Variants in TENM2 observed in about 807,000 individuals in gnomAD.
TENM2 encodes the protein teneurin-2.
A neutral mutation model predicts 245.2 loss-of-function variants in TENM2; 52 were observed. The ratio of observed to expected loss-of-function variants is 0.21; its 90% CI spans 0.17 to 0.27. The LOEUF (loss-of-function observed/expected upper bound fraction) is 0.27. Among genes scored for constraint, TENM2 ranks in the 10% least tolerant of loss-of-function variants. The pLI, the probability that TENM2 is intolerant of heterozygous loss-of-function variation, is 1.00. For missense variants in TENM2, 3,046 were observed against 3,666.8 expected, an observed-to-expected ratio of 0.83 and a Z score of 4.37; for synonymous variants, 1,363 against 1,438.9, an observed-to-expected ratio of 0.95 and a Z score of 1.19.
chr5:167,778,040 A>G lies in TENM2; in HGVS notation c.503-97946A>G, dbSNP rs115020798. On this transcript the variant is annotated intron_variant, in intron 2 of 28. Transcript: ENST00000518659. Reference sequence around the variant, plus strand: ...GCTGCCACAGTGGACAGAGTTGAGTAGTTGCACCACATGGACTGCAAAGGG... The same window carrying G: ...GCTGCCACAGTGGACAGAGTTGAGTGGTTGCACCACATGGACTGCAAAGGG... Among the ~76,000 whole-genome samples the G allele has an allele frequency of 6.0e-3, 912 of 152,296 alleles. 11 individuals are homozygous for G. Among genetic ancestry groups the G allele is most frequent in the African/African-American group, 0.021 (875 of 41,558 alleles).
intron 4 of TENM2, among the ~76,000 whole-genome samples, chr5:167,971,751 C>A (rs1332944860): frequency 1.3e-5 from 2 of 152,012 alleles, no homozygotes; most frequent in African/African-American, 4.8e-5. Flanking sequence ...ACAAAAAAAA[C>A]CCTGAGCCCT....
chr5:167,707,803 C>G (rs962686780), intron 2 of TENM2, among the ~76,000 whole-genome samples: 1 of 152,156 alleles, frequency 6.6e-6, no homozygotes, highest in African/African-American at 2.4e-5. Context: ...GAAATCTGTA[C>G]TGTCTCTTCA....
intron 1 of TENM2, among the ~76,000 whole-genome samples, chr5:167,332,900 G>A (rs956858767): frequency 3.3e-5 from 5 of 152,158 alleles, no homozygotes; most frequent in African/African-American, 9.7e-5. Context: ...ACTGGCTATA[G>A]AGGTTATGGC....
chr5:167,422,022 C>A (rs904937563), intron 2 of TENM2, among the ~76,000 whole-genome samples: 9 of 152,160 alleles, frequency 5.9e-5, no homozygotes, highest in African/African-American at 2.2e-4. Flanking sequence ...GAACTCCTGA[C>A]CTTGTGATCC....
intron 4 of TENM2, among the ~76,000 whole-genome samples, chr5:167,959,201 T>TC (rs1262249872): frequency 3.3e-5 from 5 of 150,972 alleles, no homozygotes; most frequent in Non-Finnish European, 7.4e-5. Context: ...TTTTTTTTTT[T>TC]TTTCTTTTTT....
chr5:167,537,084 T>C (rs1360113716), intron 2 of TENM2, among the ~76,000 whole-genome samples: 1 of 151,928 alleles, frequency 6.6e-6, no homozygotes, highest in Non-Finnish European at 1.5e-5. Flanking sequence ...ACAAGCACAA[T>C]AAATGATTTC....
intron 2 of TENM2, among the ~76,000 whole-genome samples, chr5:167,618,604 T>C (rs543117720): frequency 6.6e-6 from 1 of 152,244 alleles, no homozygotes; most frequent in African/African-American, 2.4e-5. Flanking sequence ...ATTCTACTTA[T>C]AAGTTCATTA....
chr5:167,746,350 C>A (rs1219721499), intron 2 of TENM2, among the ~76,000 whole-genome samples: 1 of 152,106 alleles, frequency 6.6e-6, no homozygotes, highest in East Asian at 1.9e-4. Context: ...ATTACAGCAA[C>A]CTCAATGGTC....
chr5:168,041,638 C>T (rs1788198433), intron 5 of TENM2, among the ~76,000 whole-genome samples: 1 of 152,182 alleles, frequency 6.6e-6, no homozygotes, highest in Non-Finnish European at 1.5e-5. Flanking sequence ...CTAAACCTGG[C>T]TTTTCACTTA....
chr5:167,222,143 C>T, the TENM2 span, among the ~76,000 whole-genome samples: 1 of 152,144 alleles, frequency 6.6e-6, no homozygotes, highest in African/African-American at 2.4e-5. Context: ...AATGGAATTT[C>T]AGCATCTCAA....
chr5:167,916,403 G>A (rs1279553317), intron 3 of TENM2, among the ~76,000 whole-genome samples: 1 of 152,100 alleles, frequency 6.6e-6, no homozygotes, highest in East Asian at 1.9e-4. Context: ...ATTTAAATCA[G>A]ATCGGTGAGA....
chr5:168,019,606 C>A (rs1409140424), intron 5 of TENM2, among the ~76,000 whole-genome samples: 1 of 151,948 alleles, frequency 6.6e-6, no homozygotes, highest in Non-Finnish European at 1.5e-5. Flanking sequence ...CTGGAGCCAG[C>A]CCCTGGGAAA....
At chr5:167,054,855 G>A in the TENM2 span, among the ~76,000 whole-genome samples, 1 of 151,914 alleles carries the variant, frequency 6.6e-6, no homozygotes, top group African/African-American at 2.4e-5. Context: ...TAAGACTTTA[G>A]CTCATTTTTT....
At chr5:167,314,734 T>C (rs901313851) in intron 1 of TENM2, among the ~76,000 whole-genome samples, 1 of 152,070 alleles carries the variant, frequency 6.6e-6, no homozygotes, top group Non-Finnish European at 1.5e-5. Flanking sequence ...AAAGCAATAA[T>C]AACATTTTAA....
chr5:168,064,829 G>T (rs1261496431), intron 7 of TENM2, among the ~76,000 whole-genome samples: 1 of 152,122 alleles, frequency 6.6e-6, no homozygotes, highest in Non-Finnish European at 1.5e-5. Context: ...TTAGAAATTC[G>T]CAAGACAGGT....
At chr5:167,214,014 A>G in the TENM2 span, among the ~76,000 whole-genome samples, 2 of 152,224 alleles carry the variant, frequency 1.3e-5, no homozygotes, top group Non-Finnish European at 2.9e-5. Context: ...TCTACTCAGA[A>G]AACATCAGCA....
At chr5:167,637,023 A>G (rs1779246725) in intron 2 of TENM2, among the ~76,000 whole-genome samples, 1 of 152,162 alleles carries the variant, frequency 6.6e-6, no homozygotes, top group African/African-American at 2.4e-5. Context: ...CCTAGAACAA[A>G]TTATTTGATC....
At chr5:167,882,450 T>C (rs1773956815) in intron 3 of TENM2, among the ~76,000 whole-genome samples, 1 of 152,218 alleles carries the variant, frequency 6.6e-6, no homozygotes, top group Non-Finnish European at 1.5e-5. Context: ...AGCATGATTT[T>C]TGTCAAGTCA....
intron 2 of TENM2, among the ~76,000 whole-genome samples, chr5:167,622,936 T>C (rs1258433666): frequency 6.6e-6 from 1 of 152,168 alleles, no homozygotes; most frequent in African/African-American, 2.4e-5. Context: ...TTCTTGCTGC[T>C]GCTTGACCTG....
Sources: allele counts gnomAD v4.1 joint callset (sites outside exome capture counted in the v4.1 genomes callset), GRCh38; gene constraint gnomAD v4.1.1; transcripts MANE v1.5; gene names NCBI Gene and HGNC (gene_info 2026-07-23, HGNC 2026-07-21).